Variants in ST7 observed in about 807,000 individuals in gnomAD.
ST7 encodes suppression of tumorigenicity 7.
A neutral mutation model predicts 78.7 loss-of-function variants in ST7; 28 were observed. The ratio of observed to expected loss-of-function variants is 0.36; its 90% confidence interval spans 0.26 to 0.49. The LOEUF (loss-of-function observed/expected upper bound fraction) is 0.49, where lower values mean the gene tolerates loss of function less well. Among genes scored for constraint, ST7 ranks in the 20% least tolerant of loss-of-function variants. ST7 has a pLI of 0.99. For missense variants in ST7, 418 were observed against 696.0 expected (o/e 0.60, Z 4.49); for synonymous variants, 247 against 249.6 (o/e 0.99, Z 0.10).
intron 1 of ST7, among the ~76,000 whole-genome samples, chr7:116,965,584 T>A (rs1244566529): frequency 1.3e-5 from 2 of 152,108 alleles, no homozygotes; most frequent in Non-Finnish European, 1.5e-5. Flanking sequence ...TAATAAAAAT[T>A]TTTTTAAAAA....
At chr7:117,166,680 G>A (rs1432845087) in intron 9 of ST7, among the ~76,000 whole-genome samples, 2 of 152,056 alleles carry the variant, frequency 1.3e-5, no homozygotes, top group Admixed American at 6.5e-5. Context: ...ACAAGGTCAG[G>A]AGATCGAGAC....
chr7:117,221,024 A>G (rs1793047541), intron 14 of ST7, among the ~76,000 whole-genome samples: 2 of 151,990 alleles, frequency 1.3e-5, no homozygotes, highest in South Asian at 4.2e-4. Context: ...TCTCACGTGC[A>G]GTTTCACAGC....
intron 1 of ST7, among the ~76,000 whole-genome samples, chr7:117,021,815 T>G (rs1795928795): frequency 1.3e-5 from 2 of 152,210 alleles, no homozygotes; most frequent in South Asian, 2.1e-4. Flanking sequence ...CATGTGACAG[T>G]ATTATTTCCT....
At chr7:116,978,310 G>C (rs750173262) in intron 1 of ST7, among the ~76,000 whole-genome samples, 25 of 152,270 alleles carry the variant, frequency 1.6e-4, no homozygotes, top group Middle Eastern at 6.8e-3. Flanking sequence ...CCTTTTCCCA[G>C]GAGGCACCAG....
At chr7:117,060,455 A>T (rs1045705381) in intron 1 of ST7, among the ~76,000 whole-genome samples, 2 of 152,202 alleles carry the variant, frequency 1.3e-5, no homozygotes, top group Admixed American at 1.3e-4. Context: ...AACATGGCAC[A>T]ATCTTATCAA....
chr7:117,189,433 G>C, intron 11 of ST7, 40 bp downstream of exon 11: 2 of 1,494,568 alleles, frequency 1.3e-6, no homozygotes, highest in Non-Finnish European at 1.8e-6. Context: ...ATGCCTGACC[G>C]GAATTGAGAT....
chr7:117,218,276 T>C (rs1487969556), intron 13 of ST7, among the ~76,000 whole-genome samples: 1 of 152,200 alleles, frequency 6.6e-6, no homozygotes, highest in African/African-American at 2.4e-5. Flanking sequence ...AGAGGACATC[T>C]GTTGAAGAAA....
intron 1 of ST7, among the ~76,000 whole-genome samples, chr7:117,016,240 C>A (rs1007119704): frequency 6.6e-6 from 1 of 152,020 alleles, no homozygotes; most frequent in Non-Finnish European, 1.5e-5. Context: ...GATTAGCATG[C>A]CAGAATTTTT....
At chr7:117,138,787 T>G (rs1287143719) in intron 9 of ST7, among the ~76,000 whole-genome samples, 1 of 152,304 alleles carries the variant, frequency 6.6e-6, no homozygotes, top group African/African-American at 2.4e-5. Flanking sequence ...CTTCTTAGAA[T>G]TTTTTCGAGG....
Position 116,953,676 on chromosome 7 carries a change from G to T in ST7, c.136G>T (p.Asp46Tyr), listed in dbSNP as rs1792259631. 2 of 1,494,748 alleles carry T rather than the reference G, an allele frequency of 1.3e-6. No homozygotes were observed. The highest frequency in any genetic ancestry group is 1.5e-5 in the African/African-American group (1 of 68,590). 92.6% of individuals were successfully genotyped at this position (1,494,748 alleles called of 1,614,324 possible). Residue 46 changes from aspartate to tyrosine, a missense_variant, in exon 1 of 16, where the codon GAC becomes TAC. By Grantham distance (160) the Asp-to-Tyr change is radical (BLOSUM62 -3). Coordinates refer to ENST00000323984, the MANE Select transcript of ST7 (RefSeq NM_001369598.1). ...CCTGCGGGTGCCTTTGAAAATCAAC[G>T]ACAACTTGAGCACAGGTAAGGCCTG... Reference protein sequence around the residue: ...YILRVPLKINDNLSTVSMFLN... With the variant: ...YILRVPLKINYNLSTVSMFLN...
At chr7:117,075,282 G>C (rs1289502939) in intron 1 of ST7, among the ~76,000 whole-genome samples, 2 of 151,908 alleles carry the variant, frequency 1.3e-5, no homozygotes, top group African/African-American at 4.8e-5. Context: ...TTCTTATTTT[G>C]AATATATATT....
intron 1 of ST7, among the ~76,000 whole-genome samples, chr7:117,031,820 A>ATG (rs1796590273): frequency 1.7e-4 from 1 of 5,870 alleles, no homozygotes; most frequent in African/African-American, 6.0e-4. Context: ...ATATGCATAT[A>ATG]TCTATATCTA....
intron 1 of ST7, among the ~76,000 whole-genome samples, chr7:117,091,652 C>A (rs1178262990): frequency 6.6e-6 from 1 of 152,154 alleles, no homozygotes; most frequent in East Asian, 1.9e-4. Flanking sequence ...CTGCAATTAG[C>A]CAGCATTATC....
intron 12 of ST7, among the ~76,000 whole-genome samples, chr7:117,201,781 G>A (rs1202014078): frequency 6.6e-6 from 1 of 152,002 alleles, no homozygotes; most frequent in African/African-American, 2.4e-5. Context: ...ACAGGTGTGA[G>A]CCACTGCCCC....
chr7:117,102,688 AAGGAGTAGACAGAAG>A (rs1464097010), intron 2 of ST7, among the ~76,000 whole-genome samples: 1 of 152,166 alleles, frequency 6.6e-6, no homozygotes, highest in East Asian at 1.9e-4. Context: ...CAGAGAGGAC[AAGGAGTAGACAGAAG>A]ATGATGAGAG....
rs549606856 is a variant in ST7, at chr7:116,986,967, T to C, written c.151+33276T>C. 2.0e-5 allele frequency among the ~76,000 whole-genome samples: 3 copies of C among 152,316 alleles called. No homozygotes were observed. In the East Asian group the frequency reaches 5.8e-4, roughly 29 times the overall value. On this transcript the variant is annotated intron_variant, in intron 1 of 15. Coordinates refer to ENST00000323984, the MANE Select transcript of ST7 (RefSeq NM_001369598.1). The stretch of plus-strand genomic sequence containing the variant: ...TGCTGGGCCTTTAAGTGAGAATTCA[T>C]GTGTGTGTTCAAATTCTCTGAGCCC...
At chr7:117,124,479 A>C (rs111873831) in intron 3 of ST7, among the ~76,000 whole-genome samples, 27 of 152,258 alleles carry the variant, frequency 1.8e-4, no homozygotes, top group African/African-American at 6.5e-4. Flanking sequence ...CCTTGTCCAG[A>C]ACCTCTATGA....
At chr7:116,970,194 G>A (rs1793347210) in intron 1 of ST7, among the ~76,000 whole-genome samples, 1 of 152,192 alleles carries the variant, frequency 6.6e-6, no homozygotes, top group Non-Finnish European at 1.5e-5. Context: ...CGTGGAGAGG[G>A]TGGAACATCC....
At chr7:117,220,957 C>G (rs1793041705) in intron 14 of ST7, among the ~76,000 whole-genome samples, 1 of 152,118 alleles carries the variant, frequency 6.6e-6, no homozygotes. Flanking sequence ...GCCTCTAGAT[C>G]TTGTATTCCC....
Sources: gnomAD v4.1 joint callset for allele counts (sites outside exome capture counted in the v4.1 genomes callset) on GRCh38, gnomAD v4.1.1 for gene constraint, MANE v1.5 for transcripts, NCBI Gene and HGNC (gene_info 2026-07-23, HGNC 2026-07-21) for gene names.